OBI1: variants seen among roughly 807,000 people sequenced by gnomAD.
The protein encoded by OBI1 is ring finger protein 219.
Under a neutral mutation model 62.4 loss-of-function variants are expected in OBI1, and 59 were observed. That is an observed-to-expected ratio of 0.95 (90% CI 0.77 to 1.17). The LOEUF (loss-of-function observed/expected upper bound fraction) is 1.17. OBI1 is among the 50% of genes most tolerant of loss of function. The probability of loss-of-function intolerance (pLI) is 0.00; values close to 1 mark genes in which losing one functional copy is unlikely to be tolerated. For missense variants in OBI1, 875 were observed against 830.9 expected, an observed-to-expected ratio of 1.05 and a Z score of -0.65; for synonymous variants, 302 against 292.8, an observed-to-expected ratio of 1.03 and a Z score of -0.32.
intron 5 of OBI1, among the ~76,000 whole-genome samples, chr13:78,625,652 AC>A (rs1331489117): frequency 1.3e-5 from 2 of 152,212 alleles, no homozygotes; most frequent in African/African-American, 2.4e-5. Context: ...AAACTGCAGT[AC>A]CTGTCTATCC....
At chr13:78,636,773 G>C (rs1234759677) in intron 4 of OBI1, among the ~76,000 whole-genome samples, 1 of 152,200 alleles carries the variant, frequency 6.6e-6, no homozygotes. Context: ...AATGAATTAA[G>C]CTCTCAAGCA....
In OBI1 at chr13:78,616,839, T is replaced by A. The variant is rs1226793933; in HGVS notation, c.922A>T (p.Ser308Cys). The change falls in exon 6 of 6, where the codon AGT becomes TGT. Residue 308 changes from serine to cysteine, a missense_variant. Transcript: ENST00000282003. ...GAAGGCTTCGCTAGGTGAGAAGAAC[T>A]GGAGGTGGATGAGCCAGGCTGCTTT... is the stretch of plus-strand genomic sequence containing the variant. ...ARKQPGSSTS[S>C]SSHLAKPSSS... is the part of the protein sequence containing the mutation. 6.2e-7 allele frequency: 1 copy of A among 1,614,246 alleles called. No individual in the cohort carries two copies. Among genetic ancestry groups the A allele is most frequent in the African/African-American group, 1.3e-5 (1 of 75,072 alleles).
rs765343118 is a variant in OBI1 at position 78,616,466 on chromosome 13, C to A, written c.1295G>T (p.Cys432Phe). The change falls in exon 6 of 6, where the codon TGT becomes TTT. Residue 432 changes from cysteine to phenylalanine, a missense_variant. Cys to Phe is a radical substitution (Grantham distance 205). Transcript: ENST00000282003. Reference protein sequence around the residue: ...HLRKLVFDDFCDSSNVSNKDS... With the variant: ...HLRKLVFDDFFDSSNVSNKDS... ...TTTATTAGAAACATTTGAAGAATCA[C>A]AAAAATCATCAAACACCAATTTTCT... 2.5e-6 allele frequency: 4 copies of A among 1,613,894 alleles called. No individual in the cohort carries two copies. Among genetic ancestry groups the A allele is most frequent in the Non-Finnish European group, 2.5e-6 (3 of 1,180,014 alleles).
At chr13:78,626,046 C>A (rs903340150) in intron 5 of OBI1, among the ~76,000 whole-genome samples, 41 of 152,180 alleles carry the variant, frequency 2.7e-4, no homozygotes, top group Non-Finnish European at 2.9e-4. Flanking sequence ...TCAGAGTCAG[C>A]ATGGAGACAG....
chr13:78,624,056 T>C (rs1875593505), intron 5 of OBI1, among the ~76,000 whole-genome samples: 2 of 152,202 alleles, frequency 1.3e-5, no homozygotes, highest in Admixed American at 1.3e-4. Context: ...ACTTGCCTGG[T>C]TCATGCACAA....
chr13:78,652,014 C>T (rs765434084), intron 1 of OBI1, among the ~76,000 whole-genome samples: 17 of 152,158 alleles, frequency 1.1e-4, no homozygotes, highest in Non-Finnish European at 1.6e-4. Context: ...ACAGAACCAC[C>T]ACCACAGGCC....
In OBI1 at chr13:78,615,619, G is replaced by T; in HGVS notation, c.2142C>A (p.Ser714Arg). The T allele has an allele frequency of 6.2e-7, 1 of 1,612,902 alleles. No individual in the cohort carries two copies. Among genetic ancestry groups the T allele is most frequent in the Non-Finnish European group, 8.5e-7 (1 of 1,179,504 alleles). The change falls in exon 6 of 6, where the codon AGC (serine) becomes AGA (arginine). Residue 714 changes from serine (S) to arginine (R), a missense_variant. Ser to Arg is a moderately radical substitution (Grantham distance 110). Transcript: ENST00000282003. Reference protein sequence around the residue: ...NQSTKRKIQSSLSSASPSKAT... With the variant: ...NQSTKRKIQSRLSSASPSKAT... ...CTTTTGATGGGCTGGCACTGGAAAG[G>T]CTGCTCTGGATTTTTCTTTTTGTTG...
chr13:78,638,286 A>C (rs1242336962), intron 4 of OBI1, among the ~76,000 whole-genome samples: 1 of 152,238 alleles, frequency 6.6e-6, no homozygotes, highest in African/African-American at 2.4e-5. Context: ...AACCAGTTTC[A>C]TAAATCACAA....
At chr13:78,634,936 C>T (rs989631627) in intron 5 of OBI1, among the ~76,000 whole-genome samples, 174 bp downstream of exon 5, 1 of 151,960 alleles carries the variant, frequency 6.6e-6, no homozygotes, top group Admixed American at 6.6e-5. Context: ...TAGCCTTAAC[C>T]GAGACTAAAA....
At position 78,616,873 on chromosome 13, in the gene OBI1, A is replaced by G. The variant is rs549331273; in HGVS notation, c.888T>C (p.Asp296=). 1.1e-5 allele frequency: 17 copies of G among 1,614,178 alleles called. No homozygotes were observed. The highest frequency in any genetic ancestry group is 3.3e-4 in the Middle Eastern group (2 of 6,062). The change falls in exon 6 of 6, where the codon GAT becomes GAC. Residue 296 remains aspartate, a synonymous_variant. Coordinates refer to ENST00000282003, the MANE Select transcript of OBI1 (RefSeq NM_024546.4). ...EEDVVSKNQG[D]SARKQPGSST... The stretch of plus-strand genomic sequence containing the variant: ...ATGAGCCAGGCTGCTTTCTGGCACT[A>G]TCGCCTTGATTCTTTGACACCACAT...
At chr13:78,632,007 T>C (rs1191029573) in intron 5 of OBI1, among the ~76,000 whole-genome samples, 1 of 152,136 alleles carries the variant, frequency 6.6e-6, no homozygotes, top group Non-Finnish European at 1.5e-5. Flanking sequence ...TTTTGGAAAA[T>C]AGCATGGTAT....
At chr13:78,657,450 C>T (rs1054255374) in intron 1 of OBI1, among the ~76,000 whole-genome samples, 4 of 102,284 alleles carry the variant, frequency 3.9e-5, no homozygotes, top group Non-Finnish European at 1.0e-4. Context: ...GGTTCAACCA[C>T]AGACTCTAAG....
intron 5 of OBI1, among the ~76,000 whole-genome samples, chr13:78,618,812 G>A (rs1426676129): frequency 6.6e-6 from 1 of 152,032 alleles, no homozygotes; most frequent in East Asian, 1.9e-4. Context: ...TGAATGATGG[G>A]AATTTTTCTT....
intron 4 of OBI1, among the ~76,000 whole-genome samples, chr13:78,637,888 T>C (rs1359441887): frequency 6.6e-6 from 1 of 152,230 alleles, no homozygotes; most frequent in East Asian, 1.9e-4. Context: ...TGCAAGTATT[T>C]CTCTGCTACT....
chr13:78,658,767 G>C (rs2137477341), intron 1 of OBI1, among the ~76,000 whole-genome samples: 1 of 152,308 alleles, frequency 6.6e-6, no homozygotes, highest in East Asian at 1.9e-4. Flanking sequence ...CCGGTGTCTT[G>C]CCAGTGTGAG....
chr13:78,654,373 C>CT (rs527627439), intron 1 of OBI1, among the ~76,000 whole-genome samples: 3 of 152,152 alleles, frequency 2.0e-5, no homozygotes, highest in Non-Finnish European at 2.9e-5. Flanking sequence ...GTCCATATGG[C>CT]TTTTTTTCAA....
In OBI1 at chr13:78,615,561, A is replaced by G. The variant is rs1436305227; in HGVS notation, c.*19T>C. 2 of 1,534,930 alleles carry G rather than the reference A, an allele frequency of 1.3e-6. No homozygotes were observed. Among genetic ancestry groups the G allele is most frequent in the African/African-American group, 1.4e-5 (1 of 71,920 alleles). On this transcript the variant is annotated 3_prime_UTR_variant, in exon 6 of 6. Transcript: ENST00000282003. ...TATTTCTCTCAGGACAAAACCACAAATGACACCTTTCTAATGAGTCAACTT... is the reference window on the plus strand; with the variant it reads ...TATTTCTCTCAGGACAAAACCACAAGTGACACCTTTCTAATGAGTCAACTT...
chr13:78,641,299 A>G (rs1876209407), intron 3 of OBI1, among the ~76,000 whole-genome samples: 1 of 152,204 alleles, frequency 6.6e-6, no homozygotes, highest in Admixed American at 6.5e-5. Flanking sequence ...ATTTTCATAA[A>G]ACAAGCAAAT....
At chr13:78,636,410 T>A (rs1395794701) in intron 4 of OBI1, among the ~76,000 whole-genome samples, 1 of 152,202 alleles carries the variant, frequency 6.6e-6, no homozygotes, top group African/African-American at 2.4e-5. Flanking sequence ...GTCACAAGAA[T>A]AACTGTCACC....
Sources: gnomAD v4.1 joint callset for allele counts (sites outside exome capture counted in the v4.1 genomes callset) on GRCh38, gnomAD v4.1.1 for gene constraint, MANE v1.5 for transcripts, NCBI Gene and HGNC (gene_info 2026-07-23, HGNC 2026-07-21) for gene names.